Variants in SLC30A5 observed in about 807,000 individuals in gnomAD.
SLC30A5 encodes the protein proton-coupled zinc antiporter SLC30A5.
In SLC30A5, 33 loss-of-function variants were observed where a neutral mutation model predicts 79.6. The ratio of observed to expected loss-of-function variants is 0.41; its 90% CI spans 0.31 to 0.55. The LOEUF is 0.55. Among genes scored for constraint, SLC30A5 ranks in the 20% least tolerant of loss-of-function variants. The pLI is 0.20. For missense variants in SLC30A5, 788 were observed against 928.1 expected, an observed-to-expected ratio of 0.85 and a Z score of 1.96; for synonymous variants, 299 against 319.7, an observed-to-expected ratio of 0.94 and a Z score of 0.69.
At chr5:69,102,050 CTTTTTT>C (rs758327246) in intron 2 of SLC30A5, among the ~76,000 whole-genome samples, 19,241 of 98,862 alleles carry the variant, frequency 0.19, 1,465 homozygotes, top group East Asian at 0.35. Context: ...CAGTGACGTG[CTTTTTT>C]TTTTTTTTTT....
At chr5:69,128,746 T>C (rs1746771775) in intron 15 of SLC30A5, among the ~76,000 whole-genome samples, 1 of 152,210 alleles carries the variant, frequency 6.6e-6, no homozygotes, top group African/African-American at 2.4e-5. Flanking sequence ...TAAGTTATTA[T>C]AAATATATTC....
At position 69,103,132 on chromosome 5, in the gene SLC30A5, A is replaced by T; in HGVS notation, c.273+4A>T. ...GAAAACTATTACCAAACACCAGGTA[A>T]GATTTTTGCAGAATCTTTTATTCCT... is the stretch of plus-strand genomic sequence containing the variant. On this transcript the variant is annotated splice_donor_region_variant and intron_variant, in intron 3 of 15. Transcript: ENST00000396591. The T allele has an allele frequency of 1.3e-6, 2 of 1,543,718 alleles. No homozygotes were observed. The highest frequency in any genetic ancestry group is 2.3e-5 in the South Asian group (2 of 86,368).
rs145562848 is a variant in SLC30A5 at position 69,130,339 on chromosome 5, T to C, written c.*722T>C. ...AGTTGTGTCCATGTTATTCATTTAC[T>C]TACCATGTTCCTTTAAAGTAGAATA... On this transcript the variant is annotated 3_prime_UTR_variant, in exon 16 of 16. Coordinates refer to ENST00000396591, the MANE Select transcript of SLC30A5 (RefSeq NM_022902.5). The C allele has an allele frequency of 6.6e-6, 1 of 152,310 alleles. No homozygotes were observed. Among genetic ancestry groups the C allele is most frequent in the African/African-American group, 2.4e-5 (1 of 41,580 alleles). The allele number at this position is 152,310 out of a possible 1,614,324, so 9.4% of individuals were successfully genotyped here. A position where few individuals can be genotyped will look rare whatever the true frequency, so the allele number is the denominator to read the frequency against.
intron 8 of SLC30A5, 91 bp downstream of exon 8, chr5:69,115,498 T>C (rs1464075362): frequency 1.9e-6 from 2 of 1,073,800 alleles, no homozygotes; most frequent in Admixed American, 5.3e-5. Flanking sequence ...ATAAATTATA[T>C]TTTAATTTGA....
intron 14 of SLC30A5, among the ~76,000 whole-genome samples, chr5:69,124,604 T>A (rs551074886): frequency 6.6e-6 from 1 of 152,306 alleles, no homozygotes; most frequent in East Asian, 1.9e-4. Flanking sequence ...TTTGAGACAG[T>A]CTTGCTCTGT....
Position 69,094,293 on chromosome 5 carries a change from C to CCGGCGG in SLC30A5, c.49_54dup (p.Gly17_Gly18dup), listed in dbSNP as rs770225872. ...TACGGCGGGGACGTGCTGGCCGGCC[C>CCGGCGG]CGGCGGCGGCGGCGGCCTTGGGCCG... is the stretch of plus-strand genomic sequence containing the variant. On this transcript the variant is annotated inframe_insertion, in exon 1 of 16. Coordinates refer to ENST00000396591, the MANE Select transcript of SLC30A5 (RefSeq NM_022902.5). The CCGGCGG allele has an allele frequency of 6.3e-6, 8 of 1,260,180 alleles. No homozygotes were observed. The highest frequency in any genetic ancestry group is 1.6e-5 in the African/African-American group (1 of 64,510). 78.1% of individuals were successfully genotyped at this position (1,260,180 alleles called of 1,614,324 possible).
chr5:69,095,452 G>C (rs116806616), intron 1 of SLC30A5, among the ~76,000 whole-genome samples: 5 of 151,942 alleles, frequency 3.3e-5, no homozygotes, highest in Non-Finnish European at 4.4e-5. Flanking sequence ...GGCCTGCCTC[G>C]GTCTTCCAAA....
intron 14 of SLC30A5, among the ~76,000 whole-genome samples, chr5:69,126,805 AAC>A (rs1207503691): frequency 2.3e-5 from 3 of 127,770 alleles, no homozygotes; most frequent in African/African-American, 7.7e-5. Context: ...CAACAACAAC[AAC>A]AAAATATATA....
chr5:69,095,196 CTTTTT>C (rs371189827), intron 1 of SLC30A5, among the ~76,000 whole-genome samples: 2 of 112,322 alleles, frequency 1.8e-5, no homozygotes, highest in Admixed American at 1.0e-4. Context: ...TATAACGTAA[CTTTTT>C]TTTTTTTTTT....
chr5:69,094,097 C>G lies in SLC30A5; in HGVS notation c.-159C>G. On this transcript the variant is annotated 5_prime_UTR_variant, in exon 1 of 16. Coordinates refer to ENST00000396591, the MANE Select transcript of SLC30A5 (RefSeq NM_022902.5). ...TCCCGACGCGTGTGTGCTAGTGAGC[C>G]GGAGCCGGCGACGGCGGCAGTGGCG... The G allele has an allele frequency of 2.4e-6, 1 of 411,942 alleles. No homozygotes were observed. Among genetic ancestry groups the G allele is most frequent in the Non-Finnish European group, 4.3e-6 (1 of 232,234 alleles). 25.5% of individuals were successfully genotyped at this position (411,942 alleles called of 1,614,324 possible).
At chr5:69,111,541 T>G (rs994951543) in intron 5 of SLC30A5, among the ~76,000 whole-genome samples, 2 of 151,892 alleles carry the variant, frequency 1.3e-5, no homozygotes, top group African/African-American at 4.8e-5. Context: ...CCTGACCTCA[T>G]GATCCACCCG....
intron 3 of SLC30A5, among the ~76,000 whole-genome samples, chr5:69,103,417 T>C (rs1745989073): frequency 6.6e-6 from 1 of 152,178 alleles, no homozygotes; most frequent in South Asian, 2.1e-4. Flanking sequence ...AAATTGGACA[T>C]GAAAGCATGC....
In SLC30A5 at chr5:69,094,061, T is replaced by C. The variant is rs969344658; in HGVS notation, c.-195T>C. On this transcript the variant is annotated 5_prime_UTR_variant, in exon 1 of 16. Transcript: ENST00000396591. ...GGGAACCTGGCGCCGCCGGAACTGA[T>C]CGCGGCCTAGTCCCGACGCGTGTGT... 2.8e-5 allele frequency: 11 copies of C among 397,030 alleles called. No homozygotes were observed. The highest frequency in any genetic ancestry group is 4.5e-5 in the Non-Finnish European group (10 of 223,968). 24.6% of individuals were successfully genotyped at this position (397,030 alleles called of 1,614,324 possible).
intron 5 of SLC30A5, among the ~76,000 whole-genome samples, chr5:69,111,043 G>T (rs1236666072): frequency 1.3e-5 from 2 of 151,426 alleles, no homozygotes; most frequent in African/African-American, 4.8e-5. Context: ...GCCCAGGCTG[G>T]AGTGCAGTGG....
Position 69,118,520 on chromosome 5 carries a change from G to T in SLC30A5, c.1461G>T (p.Leu487=). The part of the protein sequence containing the change: ...FSYGYGRIEI[L]SGFINGLFLI... ...TTAGGTACGGCCGAATAGAAATTCT[G>T]TCTGGATTTATTAATGGACTTTTTC... is the stretch of plus-strand genomic sequence containing the variant. The change falls in exon 12 of 16, where the codon CTG becomes CTT. Residue 487 remains leucine, a synonymous_variant. Coordinates refer to ENST00000396591, the MANE Select transcript of SLC30A5 (RefSeq NM_022902.5). 1 of 1,599,760 alleles carries T rather than the reference G, an allele frequency of 6.3e-7. No homozygotes were observed. The highest frequency in any genetic ancestry group is 1.1e-5 in the South Asian group (1 of 88,276).
In SLC30A5 at chr5:69,094,456, C is replaced by G. The variant is rs1745659908; in HGVS notation, c.83+118C>G. Reference sequence around the variant, plus strand: ...GTCCCGGGGTCGGCGCGCCCTCTCCCCCTGCCTGCCTCCCTGCGCGCAGGC... The same window carrying G: ...GTCCCGGGGTCGGCGCGCCCTCTCCGCCTGCCTGCCTCCCTGCGCGCAGGC... On this transcript the variant is annotated intron_variant, in intron 1 of 15. Transcript: ENST00000396591. The G allele has an allele frequency of 7.3e-6, 8 of 1,102,948 alleles. No homozygotes were observed. The East Asian group carries it at 2.3e-4, about 31-fold the overall frequency. The allele number at this position is 1,102,948 out of a possible 1,614,324, so 68.3% of individuals were successfully genotyped here.
At chr5:69,104,152 T>C (rs1325859868) in intron 3 of SLC30A5, 3 of 1,301,346 alleles carry the variant, frequency 2.3e-6, no homozygotes, top group East Asian at 5.9e-5. Context: ...TTCTTTCTTT[T>C]TTTGAGAAAG....
chr5:69,102,006 G>C (rs1287957041), intron 2 of SLC30A5, among the ~76,000 whole-genome samples: 1 of 148,940 alleles, frequency 6.7e-6, no homozygotes, highest in Non-Finnish European at 1.5e-5. Flanking sequence ...TGGTAAGTTG[G>C]GAAAGAGATT....
chr5:69,100,990 CAG>C, intron 2 of SLC30A5, 61 bp downstream of exon 2: 1 of 1,472,000 alleles, frequency 6.8e-7, no homozygotes, highest in South Asian at 1.4e-5. Flanking sequence ...CCTGTTTTAA[CAG>C]AGTATCTTTA....
Sources: allele counts gnomAD v4.1 joint callset (sites outside exome capture counted in the v4.1 genomes callset), GRCh38; gene constraint gnomAD v4.1.1; transcripts MANE v1.5; gene names NCBI Gene and HGNC (gene_info 2026-07-23, HGNC 2026-07-21).